The following HORMAD1 variants were observed in gnomAD, a reference collection of about 807,000 sequenced individuals.
The protein encoded by HORMAD1 is HORMA domain-containing protein 1.
In HORMAD1, 33 loss-of-function variants were observed where a neutral mutation model predicts 58.2. The observed-to-expected ratio is 0.57, with a 90% CI of 0.43 to 0.76. The LOEUF is 0.76. HORMAD1 is among the 30% of genes least tolerant of loss of function. HORMAD1 has a pLI of 0.00. For synonymous variants in HORMAD1, 137 were observed against 144.6 expected, an observed-to-expected ratio of 0.95 and a Z score of 0.38; for missense variants, 363 against 462.0, an observed-to-expected ratio of 0.79 and a Z score of 1.96.
At position 150,704,103 on chromosome 1, in the gene HORMAD1, C is replaced by T; in HGVS notation, c.948+15G>A. The T allele has an allele frequency of 1.3e-6, 2 of 1,532,572 alleles. No individual in the cohort carries two copies. The highest frequency in any genetic ancestry group is 1.8e-6 in the Non-Finnish European group (2 of 1,134,484). The allele number at this position is 1,532,572 out of a possible 1,614,324, so 94.9% of individuals were successfully genotyped here. A position where few individuals can be genotyped will look rare whatever the true frequency, so the allele number is the denominator to read the frequency against. ...TGAACAAAACAAAAGTGAGATGAAA[C>T]TATCAAGTTTATACCTGAGAATGAG... On this transcript the variant is annotated intron_variant, in intron 12 of 14. Transcript: ENST00000361824.
At chr1:150,708,532 C>G in intron 8 of HORMAD1, 125 bp from the exon 9 acceptor site, 1 of 565,014 alleles carries the variant, frequency 1.8e-6, no homozygotes, top group Admixed American at 3.8e-5. Flanking sequence ...TTGAAAGTTA[C>G]CATGTGTTTT....
At chr1:150,718,184 C>A (rs1290408429) in intron 2 of HORMAD1, among the ~76,000 whole-genome samples, 1 of 152,012 alleles carries the variant, frequency 6.6e-6, no homozygotes, top group Non-Finnish European at 1.5e-5. Flanking sequence ...AAAGGAAACC[C>A]ATACCAATTA....
intron 5 of HORMAD1, 93 bp downstream of exon 5, chr1:150,713,992 G>A: frequency 2.4e-6 from 2 of 829,304 alleles, no homozygotes; most frequent in East Asian, 2.6e-5. Context: ...ACTCAAGTTA[G>A]TTCAAATGAA....
chr1:150,711,364 AG>A (rs1418136582), intron 7 of HORMAD1, among the ~76,000 whole-genome samples, 180 bp downstream of exon 7: 1 of 152,194 alleles, frequency 6.6e-6, no homozygotes, highest in Admixed American at 6.5e-5. Context: ...ATCTGTTTAA[AG>A]GTAACAATCC....
chr1:150,717,246 G>T lies in HORMAD1; in HGVS notation c.70C>A (p.His24Asn). 6.3e-7 allele frequency: 1 copy of T among 1,589,706 alleles called. No homozygotes were observed. The highest frequency in any genetic ancestry group is 1.7e-5 in the Admixed American group (1 of 57,688). ...CTCTTCACTAACACCAAAGACTGGT[G>T]TTCAGTTGATATCTTATTGGGAAAT... ...LVFPNKISTE[H>N]QSLVLVKRLL... Residue 24 changes from histidine to asparagine, a missense_variant, in exon 3 of 15, where the codon CAC becomes AAC. Physicochemically the swap from His to Asn is moderately conservative, Grantham distance 68. Transcript: ENST00000361824.
intron 8 of HORMAD1, 143 bp downstream of exon 8, chr1:150,708,751 C>T (rs1039798267): frequency 5.4e-6 from 3 of 554,314 alleles, no homozygotes; most frequent in Non-Finnish European, 9.6e-6. Flanking sequence ...CTGCAAGCCA[C>T]CACTCCATTT....
rs1450735092 is a variant in HORMAD1, at chr1:150,703,356, A to T, written c.986T>A (p.Met329Lys). ...QLVNKTSELD[M>K]SESKTRSGKV... The stretch of plus-strand genomic sequence containing the variant: ...TCCACTTCTTGTTTTGCTTTCAGAC[A>T]TATCAAGTTCAGATGTTTTATTGAC... Residue 329 changes from methionine to lysine, a missense_variant, in exon 13 of 15, where the codon ATG (methionine) becomes AAG (lysine). Met to Lys is a moderately conservative substitution (Grantham distance 95, BLOSUM62 -1). Around this residue, in one of 3 missense-constraint regions of HORMAD1, gnomAD observed 226 missense variants for 257.8 expected, o/e 0.88. Coordinates refer to ENST00000361824, the MANE Select transcript of HORMAD1 (RefSeq NM_032132.5). 6.3e-6 allele frequency: 10 copies of T among 1,583,336 alleles called. No individual in the cohort carries two copies. The highest frequency in any genetic ancestry group is 8.6e-6 in the Non-Finnish European group (10 of 1,159,296).
intron 9 of HORMAD1, 131 bp downstream of exon 9, chr1:150,708,125 T>C (rs1197927732): frequency 1.0e-5 from 6 of 586,698 alleles, no homozygotes; most frequent in African/African-American, 1.9e-5. Flanking sequence ...CTTTCTTGAA[T>C]AGTGATATTA....
At chr1:150,713,623 A>G (rs12072339) in intron 5 of HORMAD1, 60,949 of 157,728 alleles carry the variant, frequency 0.39, 12,149 homozygotes, top group South Asian at 0.55. Flanking sequence ...TAAGTATGCA[A>G]AAAGGATTAC....
intron 5 of HORMAD1, among the ~76,000 whole-genome samples, chr1:150,712,821 A>G (rs1651942665): frequency 6.6e-6 from 1 of 152,244 alleles, no homozygotes; most frequent in African/African-American, 2.4e-5. Context: ...TGCTAGGATT[A>G]CAGGCATGAG....
chr1:150,700,270 ATATT>A (rs780188844), intron 13 of HORMAD1, 87 bp from the exon 14 acceptor site: 53 of 728,632 alleles, frequency 7.3e-5, no homozygotes, highest in South Asian at 1.4e-4. Flanking sequence ...ACGATATGCA[ATATT>A]TATTTATTTA....
intron 13 of HORMAD1, 71 bp from the exon 14 acceptor site, chr1:150,700,254 T>C: frequency 1.3e-6 from 1 of 774,446 alleles, no homozygotes; most frequent in Non-Finnish European, 2.3e-6. Flanking sequence ...TTTTCAATCT[T>C]ATGCAACGAT....
chr1:150,714,010 C>T (rs1651985593), intron 5 of HORMAD1, 75 bp downstream of exon 5: 2 of 928,468 alleles, frequency 2.2e-6, no homozygotes, highest in Admixed American at 4.4e-5. Flanking sequence ...GAATGTTTTA[C>T]TACATCATAA....
At chr1:150,718,489 T>C (rs1652156741) in intron 2 of HORMAD1, among the ~76,000 whole-genome samples, 1 of 152,122 alleles carries the variant, frequency 6.6e-6, no homozygotes, top group Non-Finnish European at 1.5e-5. Flanking sequence ...GCAGATTAAC[T>C]GTCTGTAAAT....
intron 7 of HORMAD1, among the ~76,000 whole-genome samples, chr1:150,710,093 G>A (rs1035763291): frequency 1.3e-5 from 2 of 152,082 alleles, no homozygotes; most frequent in South Asian, 2.1e-4. Flanking sequence ...GCTGAGCGCC[G>A]GTCCCCTGGG....
At chr1:150,708,018 T>C (rs1250840714) in intron 9 of HORMAD1, among the ~76,000 whole-genome samples, 1 of 152,230 alleles carries the variant, frequency 6.6e-6, no homozygotes, top group African/African-American at 2.4e-5. Flanking sequence ...TGAAAACTGT[T>C]AACTCATTGT....
At position 150,698,593 on chromosome 1, in the gene HORMAD1, T is replaced by C. The variant is rs1053552461; in HGVS notation, c.*61A>G. 79 of 855,636 alleles carry C rather than the reference T, an allele frequency of 9.2e-5. No individual in the cohort carries two copies. The highest frequency in any genetic ancestry group is 1.4e-4 in the Non-Finnish European group (71 of 521,980). 53.0% of individuals were successfully genotyped at this position (855,636 alleles called of 1,614,324 possible). On this transcript the variant is annotated 3_prime_UTR_variant, in exon 15 of 15. Coordinates refer to ENST00000361824, the MANE Select transcript of HORMAD1 (RefSeq NM_032132.5). ...TCTTCAGAGTTAGGGAAATATAATA[T>C]AGGGTCCTTCAGTTTAAATGGTGAG... is the stretch of plus-strand genomic sequence containing the variant.
rs191963983 is a variant in HORMAD1 at position 150,706,231 on chromosome 1, T to C, written c.804+322A>G. ...TTAGCCGGGAGTTAGACTAGTGCAA[T>C]GCTTTTCAAATTATGCCCTAGAGTC... is the stretch of plus-strand genomic sequence containing the variant. On this transcript the variant is annotated intron_variant, in intron 10 of 14. Coordinates refer to ENST00000361824, the MANE Select transcript of HORMAD1 (RefSeq NM_032132.5). Among the ~76,000 whole-genome samples, 69 of 152,264 alleles carry C rather than the reference T, an allele frequency of 4.5e-4. 1 individual carries two copies. In the East Asian group the frequency reaches 0.01, roughly 23 times the overall value.
intron 9 of HORMAD1, among the ~76,000 whole-genome samples, chr1:150,707,342 GT>G (rs1651725358): frequency 6.6e-6 from 1 of 152,098 alleles, no homozygotes; most frequent in Admixed American, 6.5e-5. Flanking sequence ...CTTGGATAAC[GT>G]AATTTATCAG....
Sources: gnomAD v4.1 joint callset for allele counts (sites outside exome capture counted in the v4.1 genomes callset) on GRCh38, gnomAD v4.1.1 for gene constraint, gnomAD v4.1.1 regional missense constraint, MANE v1.5 for transcripts, NCBI Gene and HGNC (gene_info 2026-07-23, HGNC 2026-07-21) for gene names.